The following RBFOX1 variants were observed in gnomAD, a reference collection of about 807,000 sequenced individuals.
The protein encoded by RBFOX1 is RNA binding fox-1 homolog 1, also known as RNA binding protein fox-1 homolog 1.
RBFOX1 carries 8 observed loss-of-function variants against 57.7 expected under a neutral mutation model. The ratio of observed to expected loss-of-function variants is 0.14; its 90% CI spans 0.08 to 0.25. The LOEUF (loss-of-function observed/expected upper bound fraction) is 0.25, where lower values mean the gene tolerates loss of function less well. Ranked by LOEUF, RBFOX1 falls within the 10% of genes least tolerant of loss-of-function variation. The pLI is 1.00. For synonymous variants in RBFOX1, 326 were observed against 222.4 expected (o/e 1.47, Z -4.15); for missense variants, 611 against 548.5 (o/e 1.11, Z -1.14).
intron 2 of RBFOX1, among the ~76,000 whole-genome samples, chr16:5,535,649 T>G (rs1371285763): frequency 6.6e-6 from 1 of 152,196 alleles, no homozygotes; most frequent in African/African-American, 2.4e-5. Flanking sequence ...TGCAACTGAT[T>G]TGTTTCGGTC....
At chr16:7,307,839 C>T (rs909150445) in intron 4 of RBFOX1, among the ~76,000 whole-genome samples, 1 of 152,194 alleles carries the variant, frequency 6.6e-6, no homozygotes, top group African/African-American at 2.4e-5. Context: ...GAGCAACTGG[C>T]TTCAATCTTG....
intron 14 of RBFOX1, among the ~76,000 whole-genome samples, chr16:7,693,883 A>G: frequency 6.6e-6 from 1 of 152,210 alleles, no homozygotes; most frequent in Non-Finnish European, 1.5e-5. Flanking sequence ...CTATTAGCCA[A>G]AGATCCTCTA....
intron 2 of RBFOX1, among the ~76,000 whole-genome samples, chr16:6,484,621 C>T (rs1308073459): frequency 6.6e-6 from 1 of 152,148 alleles, no homozygotes; most frequent in Non-Finnish European, 1.5e-5. Context: ...GCCTCTCAAG[C>T]ACAGCTCATC....
At chr16:6,950,446 C>T (rs1019008638) in intron 3 of RBFOX1, among the ~76,000 whole-genome samples, 2 of 152,120 alleles carry the variant, frequency 1.3e-5, no homozygotes, top group Non-Finnish European at 2.9e-5. Flanking sequence ...AGTTTGGTAT[C>T]CTAGTGCCTG....
At chr16:6,114,560 G>A (rs764512067) in intron 1 of RBFOX1, among the ~76,000 whole-genome samples, 4 of 128,472 alleles carry the variant, frequency 3.1e-5, no homozygotes, top group Non-Finnish European at 6.0e-5. Flanking sequence ...TGGCATAAAA[G>A]TTTTCTTGGA....
At chr16:6,607,762 A>T (rs1463020058) in intron 2 of RBFOX1, among the ~76,000 whole-genome samples, 1 of 152,202 alleles carries the variant, frequency 6.6e-6, no homozygotes, top group Non-Finnish European at 1.5e-5. Flanking sequence ...TGGTTCCAAA[A>T]TTCAGTGTCT....
intron 3 of RBFOX1, among the ~76,000 whole-genome samples, chr16:6,865,071 TG>T (rs2142902117): frequency 6.8e-6 from 1 of 146,812 alleles, no homozygotes; most frequent in Non-Finnish European, 1.5e-5. Context: ...GGCGCGATCT[TG>T]GCTCACTGCA....
intron 3 of RBFOX1, among the ~76,000 whole-genome samples, chr16:6,983,385 G>A (rs2153595124): frequency 6.6e-6 from 1 of 151,788 alleles, no homozygotes; most frequent in South Asian, 2.1e-4. Flanking sequence ...AAAAGCTAGG[G>A]TGGGAGAATA....
At position 6,172,591 on chromosome 16, in the gene RBFOX1, CAGT is replaced by C. The variant is rs201200387; in HGVS notation, c.-126-144403_-126-144401del. ...TAGAATAATGGATGTGATGCAGCCT[CAGT>C]GGTGGACTTCCTGAGTTCAAGTTCT... On this transcript the variant is annotated intron_variant, in intron 1 of 15. Coordinates refer to ENST00000550418, the MANE Select transcript of RBFOX1 (RefSeq NM_018723.4). 4.5e-3 allele frequency among the ~76,000 whole-genome samples: 690 copies of C among 152,238 alleles called. 2 individuals carry two copies. Among genetic ancestry groups the C allele is most frequent in the African/African-American group, 0.015 (631 of 41,544 alleles).
At chr16:5,623,401 A>T (rs993692638) in intron 3 of RBFOX1, among the ~76,000 whole-genome samples, 3 of 152,190 alleles carry the variant, frequency 2.0e-5, no homozygotes, top group Non-Finnish European at 4.4e-5. Flanking sequence ...AACAAAACAG[A>T]GAAAGTCTCT....
chr16:7,485,138 C>A (rs1305069016), intron 4 of RBFOX1, among the ~76,000 whole-genome samples: 1 of 151,958 alleles, frequency 6.6e-6, no homozygotes, highest in Non-Finnish European at 1.5e-5. Context: ...GAAGTTGTTT[C>A]CACCTGCTAT....
chr16:7,124,868 C>T (rs936129991), intron 4 of RBFOX1, among the ~76,000 whole-genome samples: 4 of 151,970 alleles, frequency 2.6e-5, no homozygotes, highest in Non-Finnish European at 5.9e-5. Flanking sequence ...AAAGTGTATT[C>T]CTGACAAATA....
chr16:7,043,027 G>C lies in RBFOX1; in HGVS notation c.-15-9030G>C, dbSNP rs189277869. 6.3e-3 allele frequency among the ~76,000 whole-genome samples: 958 copies of C among 151,914 alleles called. 12 individuals are homozygous for C. The highest frequency in any genetic ancestry group is 0.022 in the African/African-American group (910 of 41,384). ...TATTTTGCAATCCCAAAGTTCCTTC[G>C]CTTCCATCCTCCACCCCCCACAATC... On this transcript the variant is annotated intron_variant, in intron 3 of 15. Transcript: ENST00000550418.
intron 4 of RBFOX1, among the ~76,000 whole-genome samples, chr16:7,454,286 A>T (rs1335017716): frequency 1.3e-5 from 2 of 152,196 alleles, no homozygotes; most frequent in Non-Finnish European, 2.9e-5. Flanking sequence ...GAAGTCAAGG[A>T]AGCAAGGAAG....
intron 2 of RBFOX1, among the ~76,000 whole-genome samples, chr16:6,430,993 C>T (rs1215151874): frequency 6.8e-6 from 1 of 147,148 alleles, no homozygotes; most frequent in Admixed American, 6.8e-5. Flanking sequence ...AAAAAATTAG[C>T]CAGGTGTGTT....
intron 2 of RBFOX1, among the ~76,000 whole-genome samples, chr16:6,605,577 A>G (rs1805604888): frequency 6.6e-6 from 1 of 152,134 alleles, no homozygotes. Flanking sequence ...TGAATCTCTC[A>G]TTTTTACTTG....
intron 14 of RBFOX1, among the ~76,000 whole-genome samples, chr16:7,677,194 C>A (rs114892844): frequency 7.0e-6 from 1 of 142,766 alleles, no homozygotes; most frequent in African/African-American, 2.5e-5. Context: ...CACATAAGAC[C>A]ACGGTTTCAT....
At chr16:6,986,259 G>A (rs1306636508) in intron 3 of RBFOX1, among the ~76,000 whole-genome samples, 1 of 151,550 alleles carries the variant, frequency 6.6e-6, no homozygotes, top group Admixed American at 6.6e-5. Flanking sequence ...GGAGTGCAAT[G>A]GCATGATCTT....
chr16:5,283,584 T>A (rs1173187758), intron 1 of RBFOX1, among the ~76,000 whole-genome samples: 1 of 152,160 alleles, frequency 6.6e-6, no homozygotes, highest in Admixed American at 6.5e-5. Flanking sequence ...ATGACCTGCA[T>A]GTGAGACATG....
Sources: allele counts gnomAD v4.1 joint callset (sites outside exome capture counted in the v4.1 genomes callset), GRCh38; gene constraint gnomAD v4.1.1; transcripts MANE v1.5; gene names NCBI Gene and HGNC (gene_info 2026-07-23, HGNC 2026-07-21).